The following FGGY variants were observed in gnomAD, a reference collection of about 807,000 sequenced individuals.
FGGY encodes FGGY carbohydrate kinase domain containing, also known as FGGY carbohydrate kinase domain-containing protein.
In FGGY, 72 loss-of-function variants were observed where a neutral mutation model predicts 71.3. The ratio of observed to expected loss-of-function variants is 1.01; its 90% CI spans 0.84 to 1.23. The LOEUF (loss-of-function observed/expected upper bound fraction) is 1.23. Ranked by LOEUF, FGGY falls within the 50% of genes most tolerant of loss-of-function variation. The probability of loss-of-function intolerance (pLI) is 0.00; values close to 1 mark genes in which losing one functional copy is unlikely to be tolerated. For missense variants in FGGY, 668 were observed against 682.3 expected (o/e 0.98, Z 0.23); for synonymous variants, 251 against 250.3 (o/e 1.00, Z -0.02).
At chr1:59,404,903 C>T (rs1211778078) in intron 5 of FGGY, among the ~76,000 whole-genome samples, 1 of 152,198 alleles carries the variant, frequency 6.6e-6, no homozygotes, top group Non-Finnish European at 1.5e-5. Flanking sequence ...GAGCTCACAT[C>T]CACGCTGTGC....
rs997278062 is a variant in FGGY at position 59,762,689 on chromosome 1, G to T, written c.*105G>T. 3 of 797,884 alleles carry T rather than the reference G, an allele frequency of 3.8e-6. No homozygotes were observed. The highest frequency in any genetic ancestry group is 1.7e-5 in the South Asian group (1 of 58,932). 49.4% of individuals were successfully genotyped at this position (797,884 alleles called of 1,614,324 possible). On this transcript the variant is annotated 3_prime_UTR_variant, in exon 16 of 16. Coordinates refer to ENST00000303721, the MANE Select transcript of FGGY (RefSeq NM_018291.5). ...CTTGAGGTATTGTTTCATCATTTCT[G>T]TATTGTCTTTCAATAAAGAAAACAA... is the stretch of plus-strand genomic sequence containing the variant.
intron 2 of FGGY, among the ~76,000 whole-genome samples, chr1:59,327,346 A>G (rs1259645360): frequency 3.9e-5 from 6 of 152,230 alleles, no homozygotes; most frequent in South Asian, 2.1e-4. Context: ...TATCAGAAGT[A>G]GATTCCATCT....
intron 2 of FGGY, 125 bp from the exon 3 acceptor site, chr1:59,339,833 T>A (rs953924017): frequency 1.7e-6 from 1 of 601,250 alleles, no homozygotes; most frequent in Admixed American, 3.3e-5. Context: ...GATACTAAAT[T>A]TTTATCTGTT....
intron 14 of FGGY, among the ~76,000 whole-genome samples, chr1:59,682,417 T>C (rs562248180): frequency 6.6e-6 from 1 of 152,278 alleles, no homozygotes; most frequent in Admixed American, 6.5e-5. Context: ...ATTTGAGTAA[T>C]TTGAGAGGGT....
chr1:59,507,376 C>T (rs1409370989), intron 6 of FGGY, among the ~76,000 whole-genome samples: 1 of 152,172 alleles, frequency 6.6e-6, no homozygotes, highest in African/African-American at 2.4e-5. Flanking sequence ...CAAACGGACA[C>T]CTTTAAGTTA....
chr1:59,371,318 A>G (rs1248666278), intron 4 of FGGY, among the ~76,000 whole-genome samples: 3 of 152,216 alleles, frequency 2.0e-5, no homozygotes, highest in East Asian at 1.9e-4. Context: ...GAAGGCCATT[A>G]CATAATGGTA....
chr1:59,629,762 A>G (rs2096891175), intron 10 of FGGY, among the ~76,000 whole-genome samples: 1 of 152,226 alleles, frequency 6.6e-6, no homozygotes, highest in Non-Finnish European at 1.5e-5. Context: ...TCTCAGCTCC[A>G]ACATGTATCA....
chr1:59,537,336 G>C (rs900579179), intron 7 of FGGY, among the ~76,000 whole-genome samples: 3 of 152,002 alleles, frequency 2.0e-5, no homozygotes, highest in East Asian at 3.9e-4. Context: ...CACTGCTCAA[G>C]GAAATAAAAG....
chr1:59,536,107 T>A (rs370991994), intron 7 of FGGY, among the ~76,000 whole-genome samples: 1 of 148,740 alleles, frequency 6.7e-6, no homozygotes, highest in South Asian at 2.1e-4. Context: ...AGGAAAAAAA[T>A]AAGAATCAAA....
At position 59,509,624 on chromosome 1, in the gene FGGY, C is replaced by T. The variant is rs186375914; in HGVS notation, c.671-2687C>T. 2.4e-4 allele frequency among the ~76,000 whole-genome samples: 36 copies of T among 152,252 alleles called. 1 individual carries two copies. Among genetic ancestry groups the T allele is most frequent in the Admixed American group, 4.6e-4 (7 of 15,284 alleles). ...CCTTTTGATAGTTCCCTTAGGGGCC[C>T]CTTCTCCCTTTTTTCTGTCCTTGCT... On this transcript the variant is annotated intron_variant, in intron 6 of 15. Coordinates refer to ENST00000303721, the MANE Select transcript of FGGY (RefSeq NM_018291.5).
chr1:59,762,488 A>C lies in FGGY; in HGVS notation c.1575-15A>C, dbSNP rs1224922382. 1.2e-6 allele frequency: 2 copies of C among 1,600,246 alleles called. No homozygotes were observed. The highest frequency in any genetic ancestry group is 1.7e-6 in the Non-Finnish European group (2 of 1,168,680). On this transcript the variant is annotated splice_polypyrimidine_tract_variant and intron_variant, in intron 15 of 15. Transcript: ENST00000303721. ...TGTCTTGAGATCATTCAACATATTTATATTTCTCCCACAGATACTATGATA... is the reference window on the plus strand; with the variant it reads ...TGTCTTGAGATCATTCAACATATTTCTATTTCTCCCACAGATACTATGATA...
rs183503226 is a variant in FGGY, at chr1:59,548,446, G to A, written c.800-5678G>A. On this transcript the variant is annotated intron_variant, in intron 7 of 15. Coordinates refer to ENST00000303721, the MANE Select transcript of FGGY (RefSeq NM_018291.5). ...ATTCTCACAGCAACTTTGTGGGTGA[G>A]TATTGCTATCCAAATTCTTCAGATA... 2.1e-4 allele frequency among the ~76,000 whole-genome samples: 32 copies of A among 152,306 alleles called. 1 individual carries two copies. Among genetic ancestry groups the A allele is most frequent in the Admixed American group, 1.8e-3 (28 of 15,304 alleles).
intron 8 of FGGY, among the ~76,000 whole-genome samples, chr1:59,559,078 A>C (rs1316845641): frequency 6.6e-6 from 1 of 152,172 alleles, no homozygotes; most frequent in Non-Finnish European, 1.5e-5. Context: ...TCAAACACAC[A>C]TCTTTTACAA....
chr1:59,419,098 G>A (rs976470487), intron 5 of FGGY, among the ~76,000 whole-genome samples: 9 of 152,170 alleles, frequency 5.9e-5, no homozygotes, highest in African/African-American at 1.2e-4. Flanking sequence ...TAAAGGGTCC[G>A]CAATGCATAT....
At chr1:59,422,240 G>A (rs1055712120) in intron 5 of FGGY, among the ~76,000 whole-genome samples, 3 of 152,206 alleles carry the variant, frequency 2.0e-5, no homozygotes, top group Non-Finnish European at 2.9e-5. Context: ...GTTTCTACAC[G>A]ATTCTCATGT....
At chr1:59,590,292 A>T (rs1401057916) in intron 8 of FGGY, among the ~76,000 whole-genome samples, 3 of 152,258 alleles carry the variant, frequency 2.0e-5, no homozygotes, top group African/African-American at 7.2e-5. Flanking sequence ...TGTGGCAATA[A>T]TTAATAGCTT....
At chr1:59,316,807 A>G (rs1052261260) in intron 1 of FGGY, among the ~76,000 whole-genome samples, 1 of 152,212 alleles carries the variant, frequency 6.6e-6, no homozygotes, top group Non-Finnish European at 1.5e-5. Context: ...TGTACGCAGC[A>G]CAGCTTGAAT....
intron 9 of FGGY, among the ~76,000 whole-genome samples, chr1:59,625,669 T>C (rs1388674726): frequency 6.6e-6 from 1 of 152,072 alleles, no homozygotes; most frequent in African/African-American, 2.4e-5. Flanking sequence ...CCCCCCCCAT[T>C]TGACATAAGT....
intron 5 of FGGY, among the ~76,000 whole-genome samples, chr1:59,427,930 G>A (rs1236991011): frequency 6.6e-6 from 1 of 152,112 alleles, no homozygotes; most frequent in Non-Finnish European, 1.5e-5. Context: ...GTAGGGTGGT[G>A]GGACTGGATT....
Sources: gnomAD v4.1 joint callset for allele counts (sites outside exome capture counted in the v4.1 genomes callset) on GRCh38, gnomAD v4.1.1 for gene constraint, MANE v1.5 for transcripts, NCBI Gene and HGNC (gene_info 2026-07-23, HGNC 2026-07-21) for gene names.